The following PHACTR1 variants were observed in gnomAD, a reference collection of about 807,000 sequenced individuals.
The protein encoded by PHACTR1 is phosphatase and actin regulator 1.
A neutral mutation model predicts 69.2 loss-of-function variants in PHACTR1; 16 were observed. The ratio of observed to expected loss-of-function variants is 0.23; its 90% CI spans 0.16 to 0.35. The LOEUF (loss-of-function observed/expected upper bound fraction) is 0.35. PHACTR1 is among the 10% of genes least tolerant of loss of function. The pLI is 1.00. For missense variants in PHACTR1, 510 were observed against 734.7 expected, an observed-to-expected ratio of 0.69 and a Z score of 3.54; for synonymous variants, 312 against 284.5, an observed-to-expected ratio of 1.10 and a Z score of -0.97.
At chr6:12,920,535 C>T (rs1380801618) in intron 4 of PHACTR1, among the ~76,000 whole-genome samples, 1 of 152,144 alleles carries the variant, frequency 6.6e-6, no homozygotes, top group Non-Finnish European at 1.5e-5. Flanking sequence ...AATGGTAATC[C>T]ATTCATTATT....
intron 4 of PHACTR1, among the ~76,000 whole-genome samples, chr6:12,869,159 A>T (rs1285537261): frequency 6.6e-6 from 1 of 152,180 alleles, no homozygotes; most frequent in Non-Finnish European, 1.5e-5. Flanking sequence ...AGAGACTCAC[A>T]GGGCATTGAT....
chr6:12,745,421 G>A (rs1359396018), intron 3 of PHACTR1, among the ~76,000 whole-genome samples: 1 of 152,192 alleles, frequency 6.6e-6, no homozygotes, highest in Non-Finnish European at 1.5e-5. Flanking sequence ...TGGCAGTGGG[G>A]TGGGGAGGGT....
At chr6:13,064,966 G>C (rs1808402745) in intron 5 of PHACTR1, among the ~76,000 whole-genome samples, 1 of 152,048 alleles carries the variant, frequency 6.6e-6, no homozygotes. Context: ...ACCATTGTTT[G>C]TGTCCATGTT....
At chr6:12,881,102 G>A (rs1229937490) in intron 4 of PHACTR1, among the ~76,000 whole-genome samples, 1 of 152,204 alleles carries the variant, frequency 6.6e-6, no homozygotes, top group Non-Finnish European at 1.5e-5. Flanking sequence ...GCGTAAGTTT[G>A]CAACAAATGG....
chr6:12,753,364 C>T (rs1048353384), intron 4 of PHACTR1, among the ~76,000 whole-genome samples: 1 of 152,118 alleles, frequency 6.6e-6, no homozygotes, highest in Non-Finnish European at 1.5e-5. Context: ...TTACCTGATA[C>T]ATAGAAGCTG....
intron 5 of PHACTR1, among the ~76,000 whole-genome samples, chr6:13,073,296 G>A (rs1268721389): frequency 1.5e-5 from 2 of 136,920 alleles, no homozygotes; most frequent in African/African-American, 5.4e-5. Context: ...TGAATTATAT[G>A]AAAATTGGAA....
rs202078 is a variant in PHACTR1 at position 13,271,702 on chromosome 6, T to G, written c.1392-1158T>G. Among the ~76,000 whole-genome samples, 107 of 152,208 alleles carry G rather than the reference T, an allele frequency of 7.0e-4. 1 individual carries two copies. In the Middle Eastern group the frequency reaches 0.014, roughly 19 times the overall value. On this transcript the variant is annotated intron_variant, in intron 10 of 14. Transcript: ENST00000332995. ...TTAGACTATTGTTTTTTGTTTGTTT[T>G]TTTTTTTAATATTTTCCGTCAGCAG...
intron 4 of PHACTR1, among the ~76,000 whole-genome samples, chr6:12,800,662 G>A (rs1455799161): frequency 1.3e-5 from 2 of 152,170 alleles, no homozygotes; most frequent in Non-Finnish European, 2.9e-5. Context: ...AAGGAGGACA[G>A]ATTGCTTGAG....
chr6:12,879,567 A>C (rs140683017), intron 4 of PHACTR1, among the ~76,000 whole-genome samples: 1 of 152,184 alleles, frequency 6.6e-6, no homozygotes, highest in African/African-American at 2.4e-5. Flanking sequence ...CCTTTTTCTC[A>C]GGAGCTTTTT....
At chr6:13,116,316 C>G (rs1301727011) in intron 5 of PHACTR1, among the ~76,000 whole-genome samples, 1 of 152,184 alleles carries the variant, frequency 6.6e-6, no homozygotes, top group African/African-American at 2.4e-5. Flanking sequence ...TGCCCTGAGA[C>G]AGGCTAAAAG....
chr6:12,926,869 G>A (rs182035671), intron 4 of PHACTR1, among the ~76,000 whole-genome samples: 30 of 151,836 alleles, frequency 2.0e-4, no homozygotes, highest in African/African-American at 6.1e-4. Flanking sequence ...CCCTACATGC[G>A]CTGGTCCTGG....
chr6:12,830,038 A>C (rs1777275357), intron 4 of PHACTR1, among the ~76,000 whole-genome samples: 2 of 146,882 alleles, frequency 1.4e-5, no homozygotes, highest in Admixed American at 1.4e-4. Context: ...AAGAAAGGAA[A>C]GAAAAGAAAG....
At chr6:12,971,546 G>A (rs1794205006) in intron 4 of PHACTR1, among the ~76,000 whole-genome samples, 1 of 152,162 alleles carries the variant, frequency 6.6e-6, no homozygotes, top group Non-Finnish European at 1.5e-5. Context: ...CCATGTATAC[G>A]AAATGTCCAA....
intron 7 of PHACTR1, among the ~76,000 whole-genome samples, chr6:13,197,822 T>G (rs1488703587): frequency 2.0e-5 from 3 of 152,112 alleles, no homozygotes; most frequent in African/African-American, 4.8e-5. Flanking sequence ...GATAATCTCC[T>G]CCTCCACAAG....
chr6:12,808,934 G>A (rs1005372994), intron 4 of PHACTR1, among the ~76,000 whole-genome samples: 1 of 151,796 alleles, frequency 6.6e-6, no homozygotes, highest in African/African-American at 2.4e-5. Flanking sequence ...CTGGAGTGCA[G>A]TGGTGCAATC....
At chr6:12,823,292 G>A (rs1257926875) in intron 4 of PHACTR1, among the ~76,000 whole-genome samples, 1 of 152,198 alleles carries the variant, frequency 6.6e-6, no homozygotes, top group East Asian at 1.9e-4. Flanking sequence ...ATGACACATG[G>A]TGAGTGCTTA....
At chr6:13,019,066 A>ATTTTTTTTTTT (rs369553785) in intron 4 of PHACTR1, among the ~76,000 whole-genome samples, 1 of 134,628 alleles carries the variant, frequency 7.4e-6, no homozygotes, top group Non-Finnish European at 1.6e-5. Flanking sequence ...ATATATATAT[A>ATTTTTTTTTTT]TATATATATT....
chr6:12,812,715 C>G (rs1775161715), intron 4 of PHACTR1, among the ~76,000 whole-genome samples: 1 of 152,212 alleles, frequency 6.6e-6, no homozygotes, highest in Non-Finnish European at 1.5e-5. Context: ...TCGAGCACAA[C>G]ATTTCAGAGT....
intron 4 of PHACTR1, among the ~76,000 whole-genome samples, chr6:13,003,586 T>TA (rs1158379087): frequency 6.6e-6 from 1 of 152,142 alleles, no homozygotes; most frequent in Non-Finnish European, 1.5e-5. Flanking sequence ...CTGCTTCTTT[T>TA]AAAAAATTTT....
Sources: gnomAD v4.1 joint callset for allele counts (sites outside exome capture counted in the v4.1 genomes callset) on GRCh38, gnomAD v4.1.1 for gene constraint, MANE v1.5 for transcripts, NCBI Gene and HGNC (gene_info 2026-07-23, HGNC 2026-07-21) for gene names.